The following HS2ST1 variants were observed in gnomAD, a reference collection of about 807,000 sequenced individuals.
HS2ST1 encodes heparan sulfate 2-O-sulfotransferase 1.
HS2ST1 carries 18 observed loss-of-function variants against 42.9 expected under a neutral mutation model. The observed-to-expected ratio is 0.42, with a 90% CI of 0.29 to 0.62. The LOEUF (loss-of-function observed/expected upper bound fraction) is 0.62, where lower values mean the gene tolerates loss of function less well. Ranked by LOEUF, HS2ST1 falls within the 20% of genes least tolerant of loss-of-function variation. The pLI is 0.21. For missense variants in HS2ST1, 334 were observed against 433.8 expected (o/e 0.77, Z 2.04); for synonymous variants, 146 against 152.9 (o/e 0.95, Z 0.33).
chr1:87,101,925 A>C (rs979650938), intron 5 of HS2ST1, among the ~76,000 whole-genome samples: 1 of 152,208 alleles, frequency 6.6e-6, no homozygotes, highest in African/African-American at 2.4e-5. Context: ...CATGGCACCA[A>C]CATCTGTTTG....
chr1:87,014,778 A>G (rs1001378034), intron 1 of HS2ST1, among the ~76,000 whole-genome samples: 3 of 152,202 alleles, frequency 2.0e-5, no homozygotes, highest in Non-Finnish European at 2.9e-5. Context: ...TGGCTGTCCA[A>G]CCTTTGACTC....
chr1:87,084,049 A>G, intron 2 of HS2ST1, 145 bp from the exon 3 acceptor site: 1 of 504,432 alleles, frequency 2.0e-6, no homozygotes. Context: ...TACAGATTAC[A>G]GTATACTTTC....
intron 1 of HS2ST1, among the ~76,000 whole-genome samples, chr1:87,038,238 G>A (rs766974039): frequency 6.6e-6 from 1 of 152,088 alleles, no homozygotes; most frequent in South Asian, 2.1e-4. Context: ...ACTGAGGAAA[G>A]CAGTGAAATA....
intron 1 of HS2ST1, among the ~76,000 whole-genome samples, chr1:86,917,672 C>A (rs995579857): frequency 6.6e-6 from 1 of 152,186 alleles, no homozygotes; most frequent in Non-Finnish European, 1.5e-5. Context: ...TCAAGTGCTC[C>A]TTTAATTATG....
chr1:87,109,851 G>C lies in HS2ST1; in HGVS notation c.*5155G>C, dbSNP rs1385653264. On this transcript the variant is annotated 3_prime_UTR_variant, in exon 7 of 7. Transcript: ENST00000370550. Reference sequence around the variant, plus strand: ...AAAGGTTGGGCATGATGTATGCAAAGTACTGGCCAGGGTAGACTAATAACT... The same window carrying C: ...AAAGGTTGGGCATGATGTATGCAAACTACTGGCCAGGGTAGACTAATAACT... 1 of 152,086 alleles carries C rather than the reference G, an allele frequency of 6.6e-6. No individual in the cohort carries two copies. Among genetic ancestry groups the C allele is most frequent in the Non-Finnish European group, 1.5e-5 (1 of 67,960 alleles). The allele number at this position is 152,086 out of a possible 1,614,324, so 9.4% of individuals were successfully genotyped here.
In HS2ST1 at chr1:86,951,557, T is replaced by C. The variant is rs868126076; in HGVS notation, c.124+36397T>C. Among the ~76,000 whole-genome samples the C allele has an allele frequency of 5.3e-5, 8 of 152,276 alleles. No individual in the cohort carries two copies. In the South Asian group the frequency reaches 1.2e-3, roughly 24 times the overall value. ...TTATTGCTAAAAAAAATGCTAACAATCATCTGAGTCTTTAGTGAGTTATAA... is the reference window on the plus strand; with the variant it reads ...TTATTGCTAAAAAAAATGCTAACAACCATCTGAGTCTTTAGTGAGTTATAA... On this transcript the variant is annotated intron_variant, in intron 1 of 6. Transcript: ENST00000370550.
chr1:87,090,397 T>G (rs896422630), intron 3 of HS2ST1, among the ~76,000 whole-genome samples: 4 of 151,976 alleles, frequency 2.6e-5, no homozygotes, highest in Admixed American at 2.6e-4. Context: ...GAAAGAAAAT[T>G]TTACTGCACT....
At chr1:87,026,642 A>G (rs1650092835) in intron 1 of HS2ST1, among the ~76,000 whole-genome samples, 1 of 152,114 alleles carries the variant, frequency 6.6e-6, no homozygotes, top group African/African-American at 2.4e-5. Flanking sequence ...CATTAGTTAC[A>G]AGGTTTAAAT....
chr1:87,007,076 TCAA>T (rs1009776569), intron 1 of HS2ST1, among the ~76,000 whole-genome samples: 9 of 152,102 alleles, frequency 5.9e-5, no homozygotes, highest in Non-Finnish European at 1.2e-4. Context: ...GATTTTTTGG[TCAA>T]CAAGTTCTGT....
At chr1:86,944,495 T>C (rs1196033161) in intron 1 of HS2ST1, among the ~76,000 whole-genome samples, 3 of 152,012 alleles carry the variant, frequency 2.0e-5, no homozygotes, top group Non-Finnish European at 4.4e-5. Flanking sequence ...GCTGGAATTA[T>C]AGGTGTGCAC....
chr1:86,992,294 C>T (rs1648975354), intron 1 of HS2ST1, among the ~76,000 whole-genome samples: 1 of 151,254 alleles, frequency 6.6e-6, no homozygotes, highest in Non-Finnish European at 1.5e-5. Context: ...TTAACATTCT[C>T]ATCTTGAATA....
chr1:87,095,661 T>G (rs1337764892), intron 4 of HS2ST1, among the ~76,000 whole-genome samples: 1 of 152,206 alleles, frequency 6.6e-6, no homozygotes, highest in African/African-American at 2.4e-5. Context: ...TCAGTGGTTC[T>G]CAAACTTTTT....
At chr1:86,921,909 G>C (rs1039635606) in intron 1 of HS2ST1, among the ~76,000 whole-genome samples, 1 of 152,072 alleles carries the variant, frequency 6.6e-6, no homozygotes, top group African/African-American at 2.4e-5. Flanking sequence ...ACCTACTTGT[G>C]TATTTATATT....
chr1:86,932,307 G>C (rs1660561173), intron 1 of HS2ST1: 1 of 152,032 alleles, frequency 6.6e-6, no homozygotes, highest in African/African-American at 2.4e-5. Context: ...GGTGAGTGTT[G>C]GGGAGAATGA....
intron 3 of HS2ST1, 35 bp from the exon 4 acceptor site, chr1:87,092,496 G>A (rs1358001377): frequency 1.3e-6 from 2 of 1,497,070 alleles, no homozygotes; most frequent in South Asian, 1.4e-5. Context: ...GATTGAAAAT[G>A]TTGATTTCAC....
intron 1 of HS2ST1, among the ~76,000 whole-genome samples, chr1:87,047,333 T>C (rs1280855876): frequency 1.3e-5 from 2 of 151,388 alleles, no homozygotes; most frequent in Non-Finnish European, 2.9e-5. Context: ...TTTGTTGATA[T>C]GATACAAATC....
chr1:86,958,328 TAGAGA>T (rs1333087590), intron 1 of HS2ST1: 2 of 152,218 alleles, frequency 1.3e-5, no homozygotes, highest in East Asian at 1.9e-4. Context: ...ATAAAGTAGC[TAGAGA>T]AAAGGTTATT....
At chr1:86,949,151 C>T (rs930276202) in intron 1 of HS2ST1, among the ~76,000 whole-genome samples, 4 of 152,284 alleles carry the variant, frequency 2.6e-5, no homozygotes, top group East Asian at 1.9e-4. Context: ...CTCTTTCGCT[C>T]AGGCCGGAGT....
chr1:86,921,219 T>G (rs1382479901), intron 1 of HS2ST1, among the ~76,000 whole-genome samples: 1 of 152,202 alleles, frequency 6.6e-6, no homozygotes, highest in Non-Finnish European at 1.5e-5. Context: ...CTTGATTTTT[T>G]TCTGCCTCTT....
Sources: allele counts gnomAD v4.1 joint callset (sites outside exome capture counted in the v4.1 genomes callset), GRCh38; gene constraint gnomAD v4.1.1; transcripts MANE v1.5; gene names NCBI Gene and HGNC (gene_info 2026-07-23, HGNC 2026-07-21).